OXSM: variants seen among roughly 807,000 people sequenced by gnomAD.
The protein encoded by OXSM is 3-oxoacyl-[acyl-carrier-protein] synthase, mitochondrial.
OXSM carries 19 observed loss-of-function variants against 29.2 expected under a neutral mutation model. That is an observed-to-expected ratio of 0.65 (90% CI 0.45 to 0.96). OXSM has a LOEUF of 0.96. OXSM is among the 40% of genes least tolerant of loss of function. The pLI is 0.00. For missense variants in OXSM, 554 were observed against 551.3 expected (o/e 1.00, Z -0.05); for synonymous variants, 178 against 197.1 (o/e 0.90, Z 0.81).
At position 25,791,962 on chromosome 3, in the gene OXSM, A is replaced by G. The variant is rs1708768474; in HGVS notation, c.942A>G (p.Ile314Met). The change falls in exon 2 of 3, where the codon ATA becomes ATG. Residue 314 changes from isoleucine to methionine, a missense_variant. Physicochemically the swap from Ile to Met is conservative, Grantham distance 10 (BLOSUM62 1). Coordinates refer to ENST00000280701, the MANE Select transcript of OXSM (RefSeq NM_017897.3). Reference protein sequence around the residue: ...GYGLSGDAGHITAPDPEGEGA... With the variant: ...GYGLSGDAGHMTAPDPEGEGA... ...GACTCTCAGGTGATGCTGGTCACAT[A>G]ACTGCCCCTGATCCTGAAGGAGAAG... The G allele has an allele frequency of 6.3e-7, 1 of 1,599,784 alleles. No homozygotes were observed. Among genetic ancestry groups the G allele is most frequent in the African/African-American group, 1.3e-5 (1 of 74,918 alleles).
chr3:25,794,433 G>A lies in OXSM; in HGVS notation c.1319G>A (p.Gly440Asp). The part of the protein sequence containing the change: ...QEWKTEKRFI[G>D]LTNSFGFGGT... Reference sequence around the variant, plus strand: ...TGGAAAACTGAGAAAAGATTTATTGGCCTCACCAATTCCTTTGGTTTTGGT... The same window carrying A: ...TGGAAAACTGAGAAAAGATTTATTGACCTCACCAATTCCTTTGGTTTTGGT... Residue 440 changes from glycine to aspartate, a missense_variant, in exon 3 of 3, where the codon GGC (glycine) becomes GAC (aspartate). Gly to Asp is a moderately conservative substitution (Grantham distance 94). Coordinates refer to ENST00000280701, the MANE Select transcript of OXSM (RefSeq NM_017897.3). 3 of 1,613,810 alleles carry A rather than the reference G, an allele frequency of 1.9e-6. No individual in the cohort carries two copies. The highest frequency in any genetic ancestry group is 2.5e-6 in the Non-Finnish European group (3 of 1,179,732).
At chr3:25,794,004 A>T in intron 2 of OXSM, 88 bp from the exon 3 acceptor site, 2 of 1,123,756 alleles carry the variant, frequency 1.8e-6, no homozygotes, top group Non-Finnish European at 2.5e-6. Context: ...TTGGATACCT[A>T]CATTTGTTTC....
chr3:25,791,089 A>G lies in OXSM; in HGVS notation c.69A>G (p.Gln23=), dbSNP rs1185034739. The G allele has an allele frequency of 3.1e-6, 5 of 1,614,168 alleles. No homozygotes were observed. The highest frequency in any genetic ancestry group is 1.1e-5 in the South Asian group (1 of 91,084). The change falls in exon 2 of 3, where the codon CAA becomes CAG. Residue 23 remains glutamine, a synonymous_variant. Coordinates refer to ENST00000280701, the MANE Select transcript of OXSM (RefSeq NM_017897.3). ...STRLLCSRLC[Q]QLRSKRKFFG... ...GTCTTCTATGTTCAAGATTATGCCA[A>G]CAGTTAAGAAGTAAAAGGAAGTTTT... is the stretch of plus-strand genomic sequence containing the variant.
chr3:25,791,760 G>A lies in OXSM; in HGVS notation c.740G>A (p.Gly247Glu). The change falls in exon 2 of 3, where the codon GGG becomes GAG. Residue 247 changes from glycine to glutamate, a missense_variant. Physicochemically the swap from Gly to Glu is moderately conservative, Grantham distance 98 (BLOSUM62 -2). Transcript: ENST00000280701. ...DSCISPLSLA[G>E]FSRARALSTN... ...TGTATTAGCCCTTTATCTCTTGCTG[G>A]GTTTTCCAGAGCCCGGGCTCTGAGC... 3 of 1,614,074 alleles carry A rather than the reference G, an allele frequency of 1.9e-6. No homozygotes were observed. Among genetic ancestry groups the A allele is most frequent in the Non-Finnish European group, 2.5e-6 (3 of 1,180,018 alleles).
In OXSM at chr3:25,794,443, T is replaced by C; in HGVS notation, c.1329T>C (p.Asn443=). The change falls in exon 3 of 3, where the codon AAT becomes AAC. Residue 443 remains asparagine, a synonymous_variant. Transcript: ENST00000280701. ...KTEKRFIGLT[N]SFGFGGTNAT... Reference sequence around the variant, plus strand: ...AGAAAAGATTTATTGGCCTCACCAATTCCTTTGGTTTTGGTGGTACTAATG... The same window carrying C: ...AGAAAAGATTTATTGGCCTCACCAACTCCTTTGGTTTTGGTGGTACTAATG... 6.2e-7 allele frequency: 1 copy of C among 1,613,240 alleles called. No homozygotes were observed. The highest frequency in any genetic ancestry group is 8.5e-7 in the Non-Finnish European group (1 of 1,179,158).
chr3:25,792,014 T>G lies in OXSM; in HGVS notation c.977+17T>G. The G allele has an allele frequency of 6.4e-7, 1 of 1,572,782 alleles. No homozygotes were observed. Among genetic ancestry groups the G allele is most frequent in the Non-Finnish European group, 8.6e-7 (1 of 1,166,496 alleles). ...TGCCTTAAGGTAAAGATGGGTTATT[T>G]CCTTCGAAATATTTCTTCAAATAAG... is the stretch of plus-strand genomic sequence containing the variant. On this transcript the variant is annotated intron_variant, in intron 2 of 2. Coordinates refer to ENST00000280701, the MANE Select transcript of OXSM (RefSeq NM_017897.3).
chr3:25,790,116 G>A lies in OXSM; in HGVS notation c.-63G>A. On this transcript the variant is annotated 5_prime_UTR_variant, in exon 1 of 3. It adds an upstream start codon to the 5' untranslated region. Transcript: ENST00000280701. Reference sequence around the variant, plus strand: ...CTCGAGAGCGTCATCGCCCCCGACTGTGGAGAAGTGTCCGGGGTAGCCCCG... The same window carrying A: ...CTCGAGAGCGTCATCGCCCCCGACTATGGAGAAGTGTCCGGGGTAGCCCCG... The A allele has an allele frequency of 1.7e-6, 1 of 577,012 alleles. No individual in the cohort carries two copies. The allele number at this position is 577,012 out of a possible 1,614,324, so 35.7% of individuals were successfully genotyped here. A position where few individuals can be genotyped will look rare whatever the true frequency, so the allele number is the denominator to read the frequency against.
intron 2 of OXSM, among the ~76,000 whole-genome samples, chr3:25,793,798 A>G (rs1353105543): frequency 1.3e-5 from 2 of 152,240 alleles, no homozygotes; most frequent in Admixed American, 1.3e-4. Flanking sequence ...AAAACTGCCA[A>G]TGCAAATAAA....
rs1259994419 is a variant in OXSM at position 25,791,697 on chromosome 3, G to C, written c.677G>C (p.Gly226Ala). Residue 226 changes from glycine to alanine, a missense_variant, in exon 2 of 3, where the codon GGT becomes GCT. Physicochemically the swap from Gly to Ala is moderately conservative, Grantham distance 60 (BLOSUM62 0). Transcript: ENST00000280701. The part of the protein sequence containing the change: ...VGDSFRFIAH[G>A]DADVMVAGGT... ...GACTCATTTAGATTTATAGCCCATG[G>C]TGATGCTGATGTGATGGTGGCTGGA... 1 of 1,614,164 alleles carries C rather than the reference G, an allele frequency of 6.2e-7. No individual in the cohort carries two copies. The highest frequency in any genetic ancestry group is 1.7e-5 in the Admixed American group (1 of 60,030).
chr3:25,794,145 A>C lies in OXSM; in HGVS notation c.1031A>C (p.Tyr344Ser), dbSNP rs748310666. ...DAGVQPEEIS[Y>S]INAHATSTPL... ...GGTGTGCAGCCTGAGGAGATATCCT[A>C]TATCAATGCACATGCTACTTCCACA... The change falls in exon 3 of 3, where the codon TAT becomes TCT. Residue 344 changes from tyrosine (Y) to serine (S), a missense_variant. Physicochemically the swap from Tyr to Ser is moderately radical, Grantham distance 144 (BLOSUM62 -2). Coordinates refer to ENST00000280701, the MANE Select transcript of OXSM (RefSeq NM_017897.3). The C allele has an allele frequency of 1.2e-6, 2 of 1,614,168 alleles. No homozygotes were observed. Among genetic ancestry groups the C allele is most frequent in the South Asian group, 2.2e-5 (2 of 91,090 alleles).
intron 2 of OXSM, among the ~76,000 whole-genome samples, chr3:25,793,561 T>TG (rs1478284954): frequency 1.3e-5 from 2 of 152,236 alleles, no homozygotes; most frequent in Admixed American, 6.5e-5. Context: ...TGGCTTAGCT[T>TG]GCCTTTGTAC....
intron 2 of OXSM, among the ~76,000 whole-genome samples, chr3:25,793,822 T>C (rs1708817204): frequency 6.6e-6 from 1 of 152,252 alleles, no homozygotes; most frequent in South Asian, 2.1e-4. Context: ...AATTATGTTT[T>C]ATTTGAGATT....
In OXSM at chr3:25,791,224, A is replaced by G; in HGVS notation, c.204A>G (p.Gly68=). 6.2e-7 allele frequency: 1 copy of G among 1,614,152 alleles called. No homozygotes were observed. Among genetic ancestry groups the G allele is most frequent in the Non-Finnish European group, 8.5e-7 (1 of 1,180,016 alleles). The change falls in exon 2 of 3, where the codon GGA becomes GGG. Residue 68 remains glycine, a synonymous_variant. Transcript: ENST00000280701. The part of the protein sequence containing the change: ...GTHLVWDRLI[G]GESGIVSLVG... Reference sequence around the variant, plus strand: ...ACCTGGTTTGGGATCGTCTTATCGGAGGAGAGAGTGGAATTGTTTCACTGG... The same window carrying G: ...ACCTGGTTTGGGATCGTCTTATCGGGGGAGAGAGTGGAATTGTTTCACTGG...
intron 2 of OXSM, 83 bp downstream of exon 2, chr3:25,792,080 C>A: frequency 8.2e-7 from 1 of 1,222,890 alleles, no homozygotes; most frequent in South Asian, 1.4e-5. Flanking sequence ...GTTGTAGTGT[C>A]TGGCCTTGGT....
At chr3:25,790,169 C>T in intron 1 of OXSM, 22 bp downstream of exon 1, 1 of 493,666 alleles carries the variant, frequency 2.0e-6, no homozygotes, top group Non-Finnish European at 3.6e-6. Flanking sequence ...TACCCTCCTC[C>T]TTCGCCCCTC....
Position 25,791,859 on chromosome 3 carries a change from C to G in OXSM, c.839C>G (p.Ala280Gly). 6.2e-7 allele frequency: 1 copy of G among 1,613,528 alleles called. No individual in the cohort carries two copies. The highest frequency in any genetic ancestry group is 1.1e-5 in the South Asian group (1 of 91,080). Reference protein sequence around the residue: ...KRDGFVMGEGAAVLVLEEYEH... With the variant: ...KRDGFVMGEGGAVLVLEEYEH... Reference sequence around the variant, plus strand: ...GATGGTTTTGTAATGGGAGAAGGTGCAGCTGTGCTGGTGCTGGAAGAATAT... The same window carrying G: ...GATGGTTTTGTAATGGGAGAAGGTGGAGCTGTGCTGGTGCTGGAAGAATAT... Residue 280 changes from alanine to glycine, a missense_variant, in exon 2 of 3, where the codon GCA becomes GGA. Physicochemically the swap from Ala to Gly is moderately conservative, Grantham distance 60. Transcript: ENST00000280701.
chr3:25,794,300 G>A lies in OXSM; in HGVS notation c.1186G>A (p.Ala396Thr), dbSNP rs1392336109. The A allele has an allele frequency of 1.2e-6, 2 of 1,614,204 alleles. No individual in the cohort carries two copies. Among genetic ancestry groups the A allele is most frequent in the Non-Finnish European group, 1.7e-6 (2 of 1,180,032 alleles). Reference sequence around the variant, plus strand: ...GGGAGCTGCAGGGGCAGTCGAGGCAGCTTTTACCACATTAGCTTGTTATTA... The same window carrying A: ...GGGAGCTGCAGGGGCAGTCGAGGCAACTTTTACCACATTAGCTTGTTATTA... The part of the protein sequence containing the change: ...LLGAAGAVEA[A>T]FTTLACYYQK... Residue 396 changes from alanine (A) to threonine (T), a missense_variant, in exon 3 of 3, where the codon GCT (alanine) becomes ACT (threonine). Physicochemically the swap from Ala to Thr is moderately conservative, Grantham distance 58. Coordinates refer to ENST00000280701, the MANE Select transcript of OXSM (RefSeq NM_017897.3).
chr3:25,790,968 G>A, intron 1 of OXSM, 22 bp from the exon 2 acceptor site: 1 of 1,550,646 alleles, frequency 6.4e-7, no homozygotes, highest in Non-Finnish European at 8.8e-7. Flanking sequence ...ATACCTCCTA[G>A]GTGTGTTGTG....
chr3:25,794,385 A>G lies in OXSM; in HGVS notation c.1271A>G (p.Tyr424Cys), dbSNP rs752860968. The change falls in exon 3 of 3, where the codon TAT (tyrosine) becomes TGT (cysteine). Residue 424 changes from tyrosine to cysteine, a missense_variant. Transcript: ENST00000280701. The stretch of plus-strand genomic sequence containing the variant: ...TCGGAACCAGAATTTGATCTCAACT[A>G]TGTTCCACTAAAGGCACAGGAATGG... ...DCSEPEFDLN[Y>C]VPLKAQEWKT... 5.0e-6 allele frequency: 8 copies of G among 1,614,164 alleles called. No individual in the cohort carries two copies. Among genetic ancestry groups the G allele is most frequent in the South Asian group, 3.3e-5 (3 of 91,088 alleles).
Sources: gnomAD v4.1 joint callset for allele counts (sites outside exome capture counted in the v4.1 genomes callset) on GRCh38, gnomAD v4.1.1 for gene constraint, MANE v1.5 for transcripts, NCBI Gene and HGNC (gene_info 2026-07-23, HGNC 2026-07-21) for gene names.